Variants in ACTR3 observed in about 807,000 individuals in gnomAD.
ACTR3 encodes actin related protein 3, also known as actin-related protein 3.
ACTR3 carries 12 observed loss-of-function variants against 56.8 expected under a neutral mutation model. The observed-to-expected ratio is 0.21, with a 90% CI of 0.14 to 0.34. The LOEUF is 0.34. ACTR3 is among the 10% of genes least tolerant of loss of function. ACTR3 has a pLI of 1.00. For synonymous variants in ACTR3, 162 were observed against 167.4 expected (o/e 0.97, Z 0.25); for missense variants, 282 against 512.5 (o/e 0.55, Z 4.34).
chr2:113,917,581 C>T (rs1679430917), intron 3 of ACTR3, among the ~76,000 whole-genome samples: 1 of 152,154 alleles, frequency 6.6e-6, no homozygotes, highest in Non-Finnish European at 1.5e-5. Context: ...AGTCACTACT[C>T]CATTCCCACC....
At chr2:113,931,256 A>G (rs185321834) in intron 4 of ACTR3, 45 bp from the exon 5 acceptor site, 2 of 1,191,966 alleles carry the variant, frequency 1.7e-6, no homozygotes, top group East Asian at 2.7e-5. Context: ...AAAGTTATCA[A>G]AATAATCTGA....
chr2:113,937,458 T>C (rs1445782999), intron 6 of ACTR3, among the ~76,000 whole-genome samples: 1 of 152,212 alleles, frequency 6.6e-6, no homozygotes, highest in African/African-American at 2.4e-5. Context: ...TCTATTCCTT[T>C]GTGAAGGTCC....
At chr2:113,892,052 T>C (rs1559450453) in intron 1 of ACTR3, among the ~76,000 whole-genome samples, 2 of 152,180 alleles carry the variant, frequency 1.3e-5, no homozygotes, top group Non-Finnish European at 1.5e-5. Context: ...AATTACTGCG[T>C]TTTCAAAAAA....
intron 7 of ACTR3, among the ~76,000 whole-genome samples, chr2:113,940,663 A>C (rs1183635791): frequency 6.6e-6 from 1 of 151,896 alleles, no homozygotes; most frequent in East Asian, 1.9e-4. Flanking sequence ...TTTCAAACTT[A>C]TTATTTGCCA....
rs1680264475 is a variant in ACTR3, at chr2:113,958,495, G to T, written c.*1040G>T. 1 of 152,286 alleles carries T rather than the reference G, an allele frequency of 6.6e-6. No homozygotes were observed. The highest frequency in any genetic ancestry group is 2.1e-4 in the South Asian group (1 of 4,828). The allele number at this position is 152,286 out of a possible 1,614,324, so 9.4% of individuals were successfully genotyped here. Reference sequence around the variant, plus strand: ...AGTCTGAAAATTTTTTTTAGTGCCAGTCCCTGAACATATCATTGAAAGTTA... The same window carrying T: ...AGTCTGAAAATTTTTTTTAGTGCCATTCCCTGAACATATCATTGAAAGTTA... On this transcript the variant is annotated 3_prime_UTR_variant, in exon 12 of 12. Transcript: ENST00000263238.
chr2:113,895,000 A>G (rs1678979054), intron 1 of ACTR3, among the ~76,000 whole-genome samples: 2 of 151,850 alleles, frequency 1.3e-5, no homozygotes, highest in Non-Finnish European at 2.9e-5. Context: ...TCTCAGCCTT[A>G]TGAATTTGAT....
intron 1 of ACTR3, chr2:113,890,760 GA>G: frequency 9.7e-7 from 1 of 1,032,492 alleles, no homozygotes; most frequent in Non-Finnish European, 1.2e-6. Flanking sequence ...AGGGGAGCTA[GA>G]AAAGAGAAGC....
chr2:113,947,661 A>G (rs183741285), intron 8 of ACTR3, among the ~76,000 whole-genome samples: 8 of 152,268 alleles, frequency 5.3e-5, no homozygotes, highest in African/African-American at 1.9e-4. Context: ...CTCATAAATA[A>G]ATAACCCAAA....
At chr2:113,941,100 C>T (rs1165961283) in intron 7 of ACTR3, among the ~76,000 whole-genome samples, 1 of 152,088 alleles carries the variant, frequency 6.6e-6, no homozygotes, top group Non-Finnish European at 1.5e-5. Context: ...GTCACCATGC[C>T]TGGGCCTCTT....
At position 113,942,344 on chromosome 2, in the gene ACTR3, C is replaced by A; in HGVS notation, c.843C>A (p.Ile281=). 6.4e-7 allele frequency: 1 copy of A among 1,573,074 alleles called. No homozygotes were observed. The highest frequency in any genetic ancestry group is 1.2e-5 in the South Asian group (1 of 83,454). ...ATGAGAGATTTTTGGGACCTGAAAT[C>A]TTTTTTCATCCAGAGGTAATTTTTT... The part of the protein sequence containing the change: ...VGYERFLGPE[I]FFHPEFANPD... Residue 281 remains isoleucine (I), a synonymous_variant, in exon 8 of 12, where the codon ATC becomes ATA. Transcript: ENST00000263238.
intron 1 of ACTR3, among the ~76,000 whole-genome samples, chr2:113,903,742 C>T (rs1213974156): frequency 6.6e-6 from 1 of 152,156 alleles, no homozygotes; most frequent in South Asian, 2.1e-4. Flanking sequence ...GATCTACCCA[C>T]TTCGGCCTCC....
intron 10 of ACTR3, chr2:113,954,942 A>ATT (rs1680185682): frequency 6.6e-6 from 1 of 151,976 alleles, no homozygotes; most frequent in African/African-American, 2.4e-5. Context: ...AAAACCATGA[A>ATT]TTTTTACAGA....
At chr2:113,923,302 C>A (rs1679544886) in intron 3 of ACTR3, among the ~76,000 whole-genome samples, 1 of 149,292 alleles carries the variant, frequency 6.7e-6, no homozygotes, top group Non-Finnish European at 1.5e-5. Flanking sequence ...TAATGGTTAT[C>A]TTCCTAACAT....
rs1032377679 is a variant in ACTR3 at position 113,958,591 on chromosome 2, C to A, written c.*1136C>A. 1.5e-5 allele frequency: 2 copies of A among 136,320 alleles called. No homozygotes were observed. Among genetic ancestry groups the A allele is most frequent in the South Asian group, 4.4e-4 (2 of 4,546 alleles). The allele number at this position is 136,320 out of a possible 1,614,324, so 8.4% of individuals were successfully genotyped here. ...TGAAAATAAATTAAAACTGAATTACCTTTTCTAATGTTTTTTTTTTTTAAG... is the reference window on the plus strand; with the variant it reads ...TGAAAATAAATTAAAACTGAATTACATTTTCTAATGTTTTTTTTTTTTAAG... On this transcript the variant is annotated 3_prime_UTR_variant, in exon 12 of 12. Coordinates refer to ENST00000263238, the MANE Select transcript of ACTR3 (RefSeq NM_005721.5).
In ACTR3 at chr2:113,955,726, CT is replaced by C; in HGVS notation, c.1161+24del. 1 of 1,566,094 alleles carries C rather than the reference CT, an allele frequency of 6.4e-7. No individual in the cohort carries two copies. Among genetic ancestry groups the C allele is most frequent in the Non-Finnish European group, 8.7e-7 (1 of 1,143,696 alleles). ...TCCACGGTGAGTGTGATGAAGCTTACTTTTATTTTATTTTATCATTATTATT... is the reference window on the plus strand; with the variant it reads ...TCCACGGTGAGTGTGATGAAGCTTACTTTATTTTATTTTATCATTATTATT... On this transcript the variant is annotated intron_variant, in intron 11 of 11. Transcript: ENST00000263238.
chr2:113,943,117 C>T (rs1380345695), intron 8 of ACTR3, among the ~76,000 whole-genome samples: 1 of 152,080 alleles, frequency 6.6e-6, no homozygotes, highest in African/African-American at 2.4e-5. Context: ...TATTTAAACA[C>T]GTAAGGTTAT....
intron 8 of ACTR3, among the ~76,000 whole-genome samples, chr2:113,945,290 T>C (rs1679995615): frequency 6.6e-6 from 1 of 152,198 alleles, no homozygotes; most frequent in Non-Finnish European, 1.5e-5. Flanking sequence ...CCTGCTGCCA[T>C]TGTGTTCTAT....
Position 113,890,110 on chromosome 2 carries a change from G to T in ACTR3, c.-170G>T. The T allele has an allele frequency of 2.6e-6, 2 of 776,814 alleles. No homozygotes were observed. Among genetic ancestry groups the T allele is most frequent in the South Asian group, 3.3e-5 (2 of 61,234 alleles). The allele number at this position is 776,814 out of a possible 1,614,324, so 48.1% of individuals were successfully genotyped here. A position where few individuals can be genotyped will look rare whatever the true frequency, so the allele number is the denominator to read the frequency against. On this transcript the variant is annotated 5_prime_UTR_variant, in exon 1 of 12. Coordinates refer to ENST00000263238, the MANE Select transcript of ACTR3 (RefSeq NM_005721.5). ...CTGGGTTGCGGAAGTGATAGCCGCC[G>T]ACCGAGCCTGCTGCTTTCTTGCTAC...
intron 6 of ACTR3, among the ~76,000 whole-genome samples, chr2:113,935,760 T>C (rs1679813462): frequency 6.6e-6 from 1 of 152,186 alleles, no homozygotes; most frequent in Non-Finnish European, 1.5e-5. Flanking sequence ...TGATAAATAT[T>C]ATATTTTTCT....
Sources: gnomAD v4.1 joint callset for allele counts (sites outside exome capture counted in the v4.1 genomes callset) on GRCh38, gnomAD v4.1.1 for gene constraint, MANE v1.5 for transcripts, NCBI Gene and HGNC (gene_info 2026-07-23, HGNC 2026-07-21) for gene names.